The following DENND4A variants were observed in gnomAD, a reference collection of about 807,000 sequenced individuals.
DENND4A encodes the protein C-myc promoter-binding protein.
DENND4A carries 70 observed loss-of-function variants against 199.3 expected under a neutral mutation model. That is an observed-to-expected ratio of 0.35 (90% CI 0.29 to 0.43). The LOEUF is 0.43. Among genes scored for constraint, DENND4A ranks in the 20% least tolerant of loss-of-function variants. The pLI is 1.00. For missense variants in DENND4A, 1,723 were observed against 2,255.8 expected (o/e 0.76, Z 4.78); for synonymous variants, 686 against 766.9 (o/e 0.89, Z 1.74).
Position 65,752,464 on chromosome 15 carries a change from G to C in DENND4A, c.476C>G (p.Thr159Ser). ...ACTGGGTATAATAATACATATGTCAGTGACAGCCAACGTATTCTGAGTCAT... is the reference window on the plus strand; with the variant it reads ...ACTGGGTATAATAATACATATGTCACTGACAGCCAACGTATTCTGAGTCAT... ...ENMTQNTLAV[T>S]DICIIIPSKG... Residue 159 changes from threonine (T) to serine (S), a missense_variant, in exon 4 of 33, where the codon ACT becomes AGT. Physicochemically the swap from Thr to Ser is moderately conservative, Grantham distance 58. This residue lies in a region of DENND4A where 725 missense variants were observed against 952.9 expected (regional missense o/e 0.76). Coordinates refer to ENST00000443035, the MANE Select transcript of DENND4A (RefSeq NM_001320835.1). The C allele has an allele frequency of 6.2e-7, 1 of 1,613,668 alleles. No homozygotes were observed. Among genetic ancestry groups the C allele is most frequent in the Non-Finnish European group, 8.5e-7 (1 of 1,179,780 alleles).
In DENND4A at chr15:65,792,187, CG is replaced by C. The variant is rs1206285324; in HGVS notation, c.-280del. On this transcript the variant is annotated 5_prime_UTR_variant, in exon 1 of 33. Transcript: ENST00000443035. ...CCCCCGCCCGCCCGCCCAGGCCTGC[CG>C]TCTCAGTCAGACGGGACTCCCCCTC... 1 of 151,948 alleles carries C rather than the reference CG, an allele frequency of 6.6e-6. No homozygotes were observed. Among genetic ancestry groups the C allele is most frequent in the Admixed American group, 6.6e-5 (1 of 15,256 alleles). 9.4% of individuals were successfully genotyped at this position (151,948 alleles called of 1,614,324 possible).
rs2077183757 is a variant in DENND4A, at chr15:65,697,398, A to G, written c.2834-15T>C. 6.6e-7 allele frequency: 1 copy of G among 1,504,028 alleles called. No homozygotes were observed. Among genetic ancestry groups the G allele is most frequent in the African/African-American group, 1.4e-5 (1 of 71,958 alleles). The allele number at this position is 1,504,028 out of a possible 1,614,324, so 93.2% of individuals were successfully genotyped here. On this transcript the variant is annotated splice_polypyrimidine_tract_variant and intron_variant, in intron 20 of 32. Coordinates refer to ENST00000443035, the MANE Select transcript of DENND4A (RefSeq NM_001320835.1). ...AGACTGGCCACCTGGTAAAAACAAA[A>G]ATAAACAAAACTCTATTAGAAACTT...
At chr15:65,754,767 G>A (rs1225843147) in intron 3 of DENND4A, among the ~76,000 whole-genome samples, 1 of 152,194 alleles carries the variant, frequency 6.6e-6, no homozygotes, top group African/African-American at 2.4e-5. Flanking sequence ...ATGAAATGCT[G>A]ACTAGGACAT....
chr15:65,769,031 A>G (rs2140860901), intron 1 of DENND4A, among the ~76,000 whole-genome samples: 1 of 152,012 alleles, frequency 6.6e-6, no homozygotes, highest in Non-Finnish European at 1.5e-5. Context: ...AACCCCCACA[A>G]TTTTATGTAT....
intron 23 of DENND4A, among the ~76,000 whole-genome samples, chr15:65,687,090 T>A (rs2076810909): frequency 6.6e-6 from 1 of 152,178 alleles, no homozygotes; most frequent in Admixed American, 6.5e-5. Flanking sequence ...GTTCCCCCTT[T>A]CTTGGCCTCT....
intron 1 of DENND4A, among the ~76,000 whole-genome samples, chr15:65,779,795 A>G (rs751542841): frequency 6.6e-6 from 1 of 152,190 alleles, no homozygotes; most frequent in Non-Finnish European, 1.5e-5. Context: ...GATTACAGGC[A>G]TATACCACCA....
intron 23 of DENND4A, among the ~76,000 whole-genome samples, chr15:65,681,945 T>G (rs1414570939): frequency 6.6e-6 from 1 of 152,236 alleles, no homozygotes; most frequent in Non-Finnish European, 1.5e-5. Flanking sequence ...AATATATTTT[T>G]TCTGAGCAGT....
chr15:65,781,277 G>GA (rs2077429817), intron 1 of DENND4A, among the ~76,000 whole-genome samples: 1 of 152,164 alleles, frequency 6.6e-6, no homozygotes, highest in Non-Finnish European at 1.5e-5. Context: ...CCAAGTCATG[G>GA]AGAGTTTTAA....
At chr15:65,728,204 T>C (rs2075862503) in intron 11 of DENND4A, among the ~76,000 whole-genome samples, 2 of 152,102 alleles carry the variant, frequency 1.3e-5, no homozygotes, top group South Asian at 2.1e-4. Context: ...GGTTTTACCA[T>C]GTTGGCCAGG....
At chr15:65,713,397 A>G (rs1250070951) in intron 14 of DENND4A, among the ~76,000 whole-genome samples, 4 of 152,216 alleles carry the variant, frequency 2.6e-5, no homozygotes, top group Admixed American at 1.3e-4. Context: ...ATTGTAACCT[A>G]TTAGAGGAAC....
At chr15:65,727,339 G>A (rs1468919099) in intron 11 of DENND4A, among the ~76,000 whole-genome samples, 1 of 151,652 alleles carries the variant, frequency 6.6e-6, no homozygotes, top group African/African-American at 2.4e-5. Flanking sequence ...TGTAGTCCCA[G>A]CTACTTGGGA....
chr15:65,736,314 A>C (rs2076115671), intron 7 of DENND4A, among the ~76,000 whole-genome samples: 1 of 152,076 alleles, frequency 6.6e-6, no homozygotes, highest in African/African-American at 2.4e-5. Flanking sequence ...ACTGGAGTGC[A>C]GTGGCATGAT....
At chr15:65,689,875 C>T (rs1324921015) in intron 23 of DENND4A, among the ~76,000 whole-genome samples, 1 of 152,162 alleles carries the variant, frequency 6.6e-6, no homozygotes, top group Non-Finnish European at 1.5e-5. Context: ...AGCAAATCCC[C>T]TCAGGGAGAA....
chr15:65,729,121 G>T lies in DENND4A; in HGVS notation c.1438C>A (p.Pro480Thr). The T allele has an allele frequency of 6.3e-7, 1 of 1,592,570 alleles. No individual in the cohort carries two copies. The highest frequency in any genetic ancestry group is 2.3e-5 in the East Asian group (1 of 44,414). The change falls in exon 11 of 33, where the codon CCT (proline) becomes ACT (threonine). Residue 480 changes from proline (P) to threonine (T), a missense_variant. By Grantham distance (38) the Pro-to-Thr change is conservative. Around this residue, in one of 6 missense-constraint regions of DENND4A, gnomAD observed 725 missense variants for 952.9 expected, o/e 0.76. Transcript: ENST00000443035. Reference protein sequence around the residue: ...IDSRYFDLYDPPPDVSCVDVD... With the variant: ...IDSRYFDLYDTPPDVSCVDVD... ...TCAACACAACTGACATCTGGTGGAG[G>T]ATCATAGAGATCAAAGTATCTTGAA...
At chr15:65,720,947 TTATATATATATATA>T (rs72498783) in intron 12 of DENND4A, among the ~76,000 whole-genome samples, 865 of 76,244 alleles carry the variant, frequency 0.011, 63 homozygotes, top group African/African-American at 0.032. Context: ...GTTTCATTGA[TTATATATATATATA>T]TATATATATA....
At chr15:65,698,247 C>T (rs1377632735) in intron 20 of DENND4A, among the ~76,000 whole-genome samples, 12 of 151,870 alleles carry the variant, frequency 7.9e-5, no homozygotes, top group East Asian at 1.9e-4. Flanking sequence ...CCAGTCTGGG[C>T]GACAGAGTGA....
intron 1 of DENND4A, among the ~76,000 whole-genome samples, chr15:65,780,896 A>G (rs1291492900): frequency 6.6e-6 from 1 of 152,210 alleles, no homozygotes; most frequent in African/African-American, 2.4e-5. Context: ...TGCTTCTCCA[A>G]TACTATAGTT....
chr15:65,731,268 TC>T (rs1183958376), intron 9 of DENND4A: 4 of 313,110 alleles, frequency 1.3e-5, no homozygotes, highest in Non-Finnish European at 2.5e-5. Context: ...CTATTTTTTT[TC>T]TTTTGGGTAA....
intron 20 of DENND4A, among the ~76,000 whole-genome samples, chr15:65,697,653 C>G (rs1421450759): frequency 6.6e-6 from 1 of 152,158 alleles, no homozygotes; most frequent in African/African-American, 2.4e-5. Flanking sequence ...TACATTCACA[C>G]TACTATATGA....
Sources: gnomAD v4.1 joint callset for allele counts (sites outside exome capture counted in the v4.1 genomes callset) on GRCh38, gnomAD v4.1.1 for gene constraint, gnomAD v4.1.1 regional missense constraint, MANE v1.5 for transcripts, NCBI Gene and HGNC (gene_info 2026-07-23, HGNC 2026-07-21) for gene names.